The following FAM200B variants were observed in gnomAD, a reference collection of about 807,000 sequenced individuals.
The protein encoded by FAM200B is zinc finger BED-type containing 11.
FAM200B carries 32 observed loss-of-function variants against 33.1 expected under a neutral mutation model. The observed-to-expected ratio is 0.97, with a 90% confidence interval of 0.73 to 1.30. FAM200B has a LOEUF of 1.30. FAM200B is among the 50% of genes most tolerant of loss of function. FAM200B has a pLI of 0.00. For missense variants in FAM200B, 741 were observed against 754.0 expected (o/e 0.98, Z 0.20); for synonymous variants, 240 against 264.8 (o/e 0.91, Z 0.91).
At chr4:15,680,832 C>T (rs1718217544), upstream of FAM200B, among the ~76,000 whole-genome samples, 1 of 150,934 alleles carries the variant, frequency 6.6e-6, no homozygotes, top group Admixed American at 6.6e-5. Flanking sequence ...TAACATGTTT[C>T]CCTGTTTAAG....
the FAM200B span, among the ~76,000 whole-genome samples, chr4:15,650,170 C>A: frequency 8.5e-4 from 129 of 152,242 alleles, no homozygotes; most frequent in African/African-American, 2.9e-3. Context: ...AGGGATGTGG[C>A]TAAACATCCT....
At chr4:15,681,974 T>C (rs1014007184) in intron 1 of FAM200B, 73 bp downstream of exon 1, 1 of 152,420 alleles carries the variant, frequency 6.6e-6, no homozygotes, top group Non-Finnish European at 1.5e-5. Context: ...CCAGGGTTCG[T>C]TGCGGGAAAT....
At chr4:15,654,250 A>G in the FAM200B span, among the ~76,000 whole-genome samples, 1 of 152,222 alleles carries the variant, frequency 6.6e-6, no homozygotes, top group African/African-American at 2.4e-5. Context: ...TGAATGCTTT[A>G]TTTAGTTGGA....
chr4:15,687,488 ATTC>A lies in FAM200B; in HGVS notation c.515_517del (p.Leu172del). 1 of 1,551,188 alleles carries A rather than the reference ATTC, an allele frequency of 6.4e-7. No individual in the cohort carries two copies. Among genetic ancestry groups the A allele is most frequent in the Non-Finnish European group, 8.7e-7 (1 of 1,146,788 alleles). Reference sequence around the variant, plus strand: ...AGCTAACACAGCTGCTGAAAAAATTATTCTTCCAGCATGTTTGGATATGGTGCG... The same window carrying A: ...AGCTAACACAGCTGCTGAAAAAATTATTCCAGCATGTTTGGATATGGTGCG... On this transcript the variant is annotated inframe_deletion, in exon 2 of 2. Coordinates refer to ENST00000422728, the MANE Select transcript of FAM200B (RefSeq NM_001145191.2).
At chr4:15,655,089 G>A in the FAM200B span, 3 of 798,416 alleles carry the variant, frequency 3.8e-6, no homozygotes, top group East Asian at 5.3e-5. Context: ...GCGGCTACTC[G>A]CGCGGCGACG....
At chr4:15,652,596 A>C in the FAM200B span, among the ~76,000 whole-genome samples, 1 of 152,158 alleles carries the variant, frequency 6.6e-6, no homozygotes, top group Non-Finnish European at 1.5e-5. Context: ...TTGAAAATTT[A>C]TTTTCTCATC....
chr4:15,668,329 A>C, the FAM200B span, among the ~76,000 whole-genome samples: 12 of 152,100 alleles, frequency 7.9e-5, no homozygotes, highest in Middle Eastern at 3.4e-3. Flanking sequence ...AAATAAAAAT[A>C]ATCAAGAATG....
chr4:15,639,145 CAA>C, the FAM200B span, among the ~76,000 whole-genome samples: 8 of 152,206 alleles, frequency 5.3e-5, no homozygotes, highest in African/African-American at 1.4e-4. Flanking sequence ...GCCTGGGCAA[CAA>C]GAGCGAAACT....
chr4:15,659,444 T>C, the FAM200B span, among the ~76,000 whole-genome samples: 1 of 152,216 alleles, frequency 6.6e-6, no homozygotes, highest in East Asian at 1.9e-4. Context: ...CTAAACTGGG[T>C]ACTGGGTAAG....
rs1719192321 is a variant in FAM200B, at chr4:15,689,314, A to G, written c.*363A>G. 1 of 174,374 alleles carries G rather than the reference A, an allele frequency of 5.7e-6. No homozygotes were observed. Among genetic ancestry groups the G allele is most frequent in the African/African-American group, 2.4e-5 (1 of 41,718 alleles). 10.8% of individuals were successfully genotyped at this position (174,374 alleles called of 1,614,324 possible). On this transcript the variant is annotated 3_prime_UTR_variant, in exon 2 of 2. Transcript: ENST00000422728. ...AGGAAGGTCAGGGAAGTACTGGGGAACCAAACCATGAAGGGTTCTGTAGAC... is the reference window on the plus strand; with the variant it reads ...AGGAAGGTCAGGGAAGTACTGGGGAGCCAAACCATGAAGGGTTCTGTAGAC...
the FAM200B span, among the ~76,000 whole-genome samples, chr4:15,642,989 C>A: frequency 2.0e-5 from 3 of 152,118 alleles, no homozygotes; most frequent in African/African-American, 7.2e-5. Context: ...ATTCTCAAGT[C>A]TGATCCCCTC....
chr4:15,657,405 A>G, the FAM200B span, among the ~76,000 whole-genome samples: 1 of 152,228 alleles, frequency 6.6e-6, no homozygotes, highest in Non-Finnish European at 1.5e-5. Context: ...AATGTTTAAT[A>G]TGCTATGTTG....
the FAM200B span, among the ~76,000 whole-genome samples, chr4:15,646,541 A>ATTT: frequency 2.7e-5 from 4 of 148,770 alleles, no homozygotes; most frequent in South Asian, 2.1e-4. Flanking sequence ...AATGCTAAAT[A>ATTT]TTTTTTATTA....
At chr4:15,680,155 G>A (rs1186475280), upstream of FAM200B, among the ~76,000 whole-genome samples, 1 of 151,864 alleles carries the variant, frequency 6.6e-6, no homozygotes, top group African/African-American at 2.4e-5. Context: ...AATATTGAAG[G>A]AGAGACCGAG....
the FAM200B span, among the ~76,000 whole-genome samples, chr4:15,673,292 T>C: frequency 6.6e-6 from 1 of 151,888 alleles, no homozygotes; most frequent in East Asian, 1.9e-4. Flanking sequence ...ATACAAAAAA[T>C]TAGCCGGGTG....
chr4:15,648,206 T>C, the FAM200B span, among the ~76,000 whole-genome samples: 1 of 152,302 alleles, frequency 6.6e-6, no homozygotes, highest in South Asian at 2.1e-4. Flanking sequence ...ATATAAGCCC[T>C]ACCTAGGCAT....
chr4:15,671,420 T>C, the FAM200B span, among the ~76,000 whole-genome samples: 1 of 151,988 alleles, frequency 6.6e-6, no homozygotes, highest in Non-Finnish European at 1.5e-5. Flanking sequence ...ATTAAACAAT[T>C]TGATTATGGT....
At chr4:15,648,511 A>G in the FAM200B span, among the ~76,000 whole-genome samples, 1 of 152,210 alleles carries the variant, frequency 6.6e-6, no homozygotes, top group Admixed American at 6.5e-5. Context: ...AGTAAAGAAA[A>G]TGTGATATAT....
chr4:15,678,397 C>A (rs568365410), upstream of FAM200B, among the ~76,000 whole-genome samples: 2 of 152,132 alleles, frequency 1.3e-5, no homozygotes, highest in African/African-American at 4.8e-5. Flanking sequence ...GAAACAAAAA[C>A]AAATGAAAAC....
Sources: allele counts gnomAD v4.1 joint callset (sites outside exome capture counted in the v4.1 genomes callset), GRCh38; gene constraint gnomAD v4.1.1; transcripts MANE v1.5; gene names NCBI Gene and HGNC (gene_info 2026-07-23, HGNC 2026-07-21).